The following PIK3C3 variants were observed in gnomAD, a reference collection of about 807,000 sequenced individuals.
PIK3C3 encodes the protein PI3-kinase type 3.
Under a neutral mutation model 126.1 loss-of-function variants are expected in PIK3C3, and 95 were observed. The ratio of observed to expected loss-of-function variants is 0.75; its 90% CI spans 0.64 to 0.89. The LOEUF is 0.89. Among genes scored for constraint, PIK3C3 ranks in the 40% least tolerant of loss-of-function variants. The pLI, the probability that PIK3C3 is intolerant of heterozygous loss-of-function variation, is 0.00. For missense variants in PIK3C3, 829 were observed against 1,063.2 expected, an observed-to-expected ratio of 0.78 and a Z score of 3.06; for synonymous variants, 374 against 360.0, an observed-to-expected ratio of 1.04 and a Z score of -0.44.
chr18:42,028,044 T>C (rs545840818), intron 14 of PIK3C3, among the ~76,000 whole-genome samples: 9 of 152,322 alleles, frequency 5.9e-5, no homozygotes, highest in Non-Finnish European at 1.3e-4. Flanking sequence ...TGTTCATAAA[T>C]TTATTGGAAT....
At chr18:42,046,257 A>G (rs1984553307) in intron 20 of PIK3C3, among the ~76,000 whole-genome samples, 1 of 152,136 alleles carries the variant, frequency 6.6e-6, no homozygotes, top group Admixed American at 6.5e-5. Context: ...GGCTTCCTGT[A>G]TGACAAAATA....
intron 21 of PIK3C3, among the ~76,000 whole-genome samples, chr18:42,051,979 A>ATAATAAAATAAAAAATAAAAT (rs1227565942): frequency 6.6e-6 from 1 of 151,514 alleles, no homozygotes; most frequent in Non-Finnish European, 1.5e-5. Context: ...TATAATAATA[A>ATAATAAAATAAAAAATAAAAT]TAATAAAATA....
intron 24 of PIK3C3, among the ~76,000 whole-genome samples, chr18:42,078,383 CAAAAAAAAAA>C (rs60269462): frequency 5.5e-5 from 4 of 72,844 alleles, no homozygotes; most frequent in Non-Finnish European, 1.1e-4. Context: ...GACTCTGTCT[CAAAAAAAAAA>C]AAAAAAAAAA....
intron 9 of PIK3C3, among the ~76,000 whole-genome samples, chr18:42,001,842 A>G (rs1278566687): frequency 6.6e-6 from 1 of 152,230 alleles, no homozygotes; most frequent in Non-Finnish European, 1.5e-5. Flanking sequence ...TGTGAAATGG[A>G]AAAGCTTTCA....
chr18:42,010,305 C>T (rs879699042), intron 10 of PIK3C3, among the ~76,000 whole-genome samples: 2 of 152,150 alleles, frequency 1.3e-5, no homozygotes, highest in Non-Finnish European at 2.9e-5. Flanking sequence ...GTTCAGGCTG[C>T]ACCTCTAATT....
chr18:42,063,338 C>G (rs2144514431), intron 22 of PIK3C3, among the ~76,000 whole-genome samples: 1 of 152,262 alleles, frequency 6.6e-6, no homozygotes, highest in Non-Finnish European at 1.5e-5. Flanking sequence ...TCCCTAGTGC[C>G]TACAACAGTG....
At chr18:42,055,750 CAGAA>C (rs1013831909) in intron 21 of PIK3C3, among the ~76,000 whole-genome samples, 19 of 152,060 alleles carry the variant, frequency 1.2e-4, no homozygotes, top group African/African-American at 4.1e-4. Flanking sequence ...GTATGAAAAA[CAGAA>C]TGAATACAGT....
chr18:41,973,691 C>T (rs1328964278), intron 4 of PIK3C3, among the ~76,000 whole-genome samples: 1 of 152,030 alleles, frequency 6.6e-6, no homozygotes, highest in African/African-American at 2.4e-5. Context: ...TTGTCACTCT[C>T]TTTCTCAAAA....
chr18:42,016,010 G>A (rs978019985), intron 12 of PIK3C3, among the ~76,000 whole-genome samples: 2 of 152,106 alleles, frequency 1.3e-5, no homozygotes, highest in Non-Finnish European at 1.5e-5. Flanking sequence ...TGTTAGACTA[G>A]TGCTACTCTG....
At chr18:41,966,444 A>G (rs1373907628) in intron 3 of PIK3C3, among the ~76,000 whole-genome samples, 1 of 152,128 alleles carries the variant, frequency 6.6e-6, no homozygotes, top group Non-Finnish European at 1.5e-5. Context: ...TGTTGGGATT[A>G]CAGGTATGAG....
rs756790818 is a variant in PIK3C3 at position 41,962,469 on chromosome 18, T to C, written c.258-20T>C. 9 of 1,592,832 alleles carry C rather than the reference T, an allele frequency of 5.7e-6. No individual in the cohort carries two copies. Among genetic ancestry groups the C allele is most frequent in the South Asian group, 1.1e-5 (1 of 88,046 alleles). ...TATATATATATGTATTTCTGATTTATGTTAACTTCATTTCCATAGCTGGAA... is the reference window on the plus strand; with the variant it reads ...TATATATATATGTATTTCTGATTTACGTTAACTTCATTTCCATAGCTGGAA... On this transcript the variant is annotated intron_variant, in intron 2 of 24. Transcript: ENST00000262039.
At chr18:41,993,366 T>G (rs1361079270) in intron 7 of PIK3C3, 25 bp downstream of exon 7, 1 of 1,469,002 alleles carries the variant, frequency 6.8e-7, no homozygotes, top group East Asian at 2.3e-5. Flanking sequence ...AATTTTTTTA[T>G]GAAAGTACTT....
intron 20 of PIK3C3, among the ~76,000 whole-genome samples, chr18:42,044,443 CTG>C (rs1273453437): frequency 1.3e-5 from 2 of 151,346 alleles, no homozygotes; most frequent in Non-Finnish European, 2.9e-5. Context: ...GGATCACACT[CTG>C]TCACCCGGGC....
intron 21 of PIK3C3, among the ~76,000 whole-genome samples, chr18:42,055,412 G>A (rs945350189): frequency 3.9e-5 from 6 of 152,096 alleles, no homozygotes; most frequent in African/African-American, 1.4e-4. Context: ...GAGAGTGGGA[G>A]TATAAATGTA....
intron 11 of PIK3C3, among the ~76,000 whole-genome samples, chr18:42,014,818 G>C (rs1350395267): frequency 3.3e-5 from 5 of 152,052 alleles, no homozygotes; most frequent in African/African-American, 1.2e-4. Flanking sequence ...GTTTTATTTG[G>C]AGAAGAACCG....
chr18:42,017,319 A>T (rs1490681819), intron 12 of PIK3C3, among the ~76,000 whole-genome samples: 2 of 152,128 alleles, frequency 1.3e-5, no homozygotes, highest in Non-Finnish European at 2.9e-5. Flanking sequence ...TCAGGAGAAC[A>T]TTATACGTGT....
At chr18:42,010,491 G>A (rs1359701388) in intron 10 of PIK3C3, among the ~76,000 whole-genome samples, 1 of 152,012 alleles carries the variant, frequency 6.6e-6, no homozygotes, top group African/African-American at 2.4e-5. Flanking sequence ...TCAGCCTCCC[G>A]AGTAGCTGAG....
chr18:41,995,969 A>T lies in PIK3C3; in HGVS notation c.866A>T (p.Asn289Ile). 1 of 1,610,814 alleles carries T rather than the reference A, an allele frequency of 6.2e-7. No homozygotes were observed. The highest frequency in any genetic ancestry group is 2.2e-5 in the East Asian group (1 of 44,832). The change falls in exon 8 of 25, where the codon AAT becomes ATT. Residue 289 changes from asparagine to isoleucine, a missense_variant. Asn to Ile is a moderately radical substitution (Grantham distance 149, BLOSUM62 -3). Transcript: ENST00000262039. Reference protein sequence around the residue: ...SGPSDHDLKPNAATRDQLNII... With the variant: ...SGPSDHDLKPIAATRDQLNII... ...CCTTCTGACCACGATCTGAAACCCA[A>T]TGCTGCCACGAGAGATCAGTTAAAT...
At chr18:41,998,803 G>A (rs1462039805) in intron 9 of PIK3C3, among the ~76,000 whole-genome samples, 2 of 152,050 alleles carry the variant, frequency 1.3e-5, no homozygotes, top group Non-Finnish European at 2.9e-5. Context: ...TATTCACACA[G>A]CCACATTTGT....
Sources: allele counts gnomAD v4.1 joint callset (sites outside exome capture counted in the v4.1 genomes callset), GRCh38; gene constraint gnomAD v4.1.1; transcripts MANE v1.5; gene names NCBI Gene and HGNC (gene_info 2026-07-23, HGNC 2026-07-21).